The following CIITA variants were observed in gnomAD, a reference collection of about 807,000 sequenced individuals.
The protein encoded by CIITA is MHC class II transactivator.
CIITA carries 72 observed loss-of-function variants against 115.1 expected under a neutral mutation model. The ratio of observed to expected loss-of-function variants is 0.63; its 90% CI spans 0.52 to 0.76. CIITA has a LOEUF of 0.76. Among genes scored for constraint, CIITA ranks in the 30% least tolerant of loss-of-function variants. CIITA has a pLI of 0.00. For synonymous variants in CIITA, 763 were observed against 635.6 expected (o/e 1.20, Z -3.02); for missense variants, 1,617 against 1,463.8 (o/e 1.10, Z -1.71).
At chr16:10,900,325 G>T (rs6498122) in intron 5 of CIITA, among the ~76,000 whole-genome samples, 2 of 152,094 alleles carry the variant, frequency 1.3e-5, no homozygotes, top group African/African-American at 4.8e-5. Flanking sequence ...GGGAGGTCAC[G>T]TTCCATATTA....
rs536336933 is a variant in CIITA, at chr16:10,901,379, G to A, written c.437-135G>A. 9.8e-5 allele frequency: 85 copies of A among 864,778 alleles called. No homozygotes were observed. The highest frequency in any genetic ancestry group is 3.8e-4 in the South Asian group (27 of 70,392). The allele number at this position is 864,778 out of a possible 1,614,324, so 53.6% of individuals were successfully genotyped here. A position where few individuals can be genotyped will look rare whatever the true frequency, so the allele number is the denominator to read the frequency against. ...GGAGCTGGGGTTGGAATGTTAGAGC[G>A]AGGGGAGGAAAATGGACCCCCAAGA... On this transcript the variant is annotated intron_variant, in intron 5 of 19. Transcript: ENST00000324288. This position sits in a 1 kb window ranked among gnomAD's most constrained non-coding sequence, Gnocchi z 6.8.
At chr16:10,922,372 A>C in intron 17 of CIITA, 35 bp from the exon 18 acceptor site, 3 of 1,613,844 alleles carry the variant, frequency 1.9e-6, no homozygotes, top group Non-Finnish European at 2.5e-6. Context: ...GGGGAGTCCC[A>C]AGGGCCAGGC....
At chr16:10,903,666 G>T (rs2038938453) in intron 8 of CIITA, 65 bp from the exon 9 acceptor site, 4 of 1,573,672 alleles carry the variant, frequency 2.5e-6, no homozygotes, top group African/African-American at 1.3e-5. Flanking sequence ...GAGTAGGGGT[G>T]ACCCAAGTGC....
chr16:10,937,561 G>A (rs566985830), downstream of CIITA: 25 of 152,352 alleles, frequency 1.6e-4, no homozygotes, highest in African/African-American at 5.8e-4. The surrounding 1 kb of genome is among the most constrained non-coding windows in gnomAD (Gnocchi z 4.2). Flanking sequence ...GCTGCACCAG[G>A]ACAAGCTGAC....
chr16:10,898,943 A>T lies in CIITA; in HGVS notation c.377A>T (p.Glu126Val). ...KDIFKHIGPD[E>V]VIGESMEMPA... ...AAAGTAGAGCACATAGGACCAGATGAAGTGATCGGTGAGAGTATGGAGATG... is the reference window on the plus strand; with the variant it reads ...AAAGTAGAGCACATAGGACCAGATGTAGTGATCGGTGAGAGTATGGAGATG... The change falls in exon 5 of 20, where the codon GAA becomes GTA. Residue 126 changes from glutamate (E) to valine (V), a missense_variant. Transcript: ENST00000324288. 3 of 1,613,960 alleles carry T rather than the reference A, an allele frequency of 1.9e-6. No homozygotes were observed. Among genetic ancestry groups the T allele is most frequent in the Non-Finnish European group, 2.5e-6 (3 of 1,179,998 alleles).
intron 1 of CIITA, among the ~76,000 whole-genome samples, chr16:10,872,039 C>T (rs2035519964): frequency 6.6e-6 from 1 of 152,172 alleles, no homozygotes; most frequent in African/African-American, 2.4e-5. Flanking sequence ...GCCTGCCCTC[C>T]AACTTTCCTG....
rs144646271 is a variant in CIITA, at chr16:10,907,083, G to A, written c.1591G>A (p.Gly531Ser). The A allele has an allele frequency of 3.9e-4, 630 of 1,607,962 alleles. 1 individual carries two copies. Among genetic ancestry groups the A allele is most frequent in the Non-Finnish European group, 4.9e-4 (582 of 1,179,780 alleles). Residue 531 changes from glycine (G) to serine (S), a missense_variant, in exon 11 of 20, where the codon GGC becomes AGC. Gly to Ser is a moderately conservative substitution (Grantham distance 56). Transcript: ENST00000324288. The surrounding 1 kb of genome is among the most constrained non-coding windows in gnomAD (Gnocchi z 5.0). ...EPCSLRGLLA[G>S]LFQKKLLRGC... The stretch of plus-strand genomic sequence containing the variant: ...CTGCTCCCTCCGGGGGCTGCTGGCC[G>A]GCCTTTTCCAGAAGAAGCTGCTCCG...
intron 11 of CIITA, 74 bp from the exon 12 acceptor site, chr16:10,908,955 C>T (rs774056805): frequency 1.2e-6 from 2 of 1,605,262 alleles, no homozygotes; most frequent in Admixed American, 3.3e-5. Flanking sequence ...GGTAGGAGGA[C>T]CCTTCATGGA....
At chr16:10,870,527 G>A (rs2035411110) in intron 1 of CIITA, among the ~76,000 whole-genome samples, 1 of 152,192 alleles carries the variant, frequency 6.6e-6, no homozygotes, top group African/African-American at 2.4e-5. Context: ...TCAACAGTGG[G>A]TCACAACATC....
At position 10,932,185 on chromosome 16, in the gene CIITA, C is replaced by G. The variant is rs539575156; in HGVS notation, c.*8330C>G. ...ATGTTCTGGGACACAGTTCAATTCT[C>G]ATTTGTCACACACTTTGGCTATTAG... is the stretch of plus-strand genomic sequence containing the variant. On this transcript the variant is annotated 3_prime_UTR_variant, in exon 20 of 20. Transcript: ENST00000324288. The G allele has an allele frequency of 6.6e-6, 1 of 152,360 alleles. No homozygotes were observed. Among genetic ancestry groups the G allele is most frequent in the South Asian group, 2.1e-4 (1 of 4,828 alleles). The allele number at this position is 152,360 out of a possible 1,614,324, so 9.4% of individuals were successfully genotyped here.
chr16:10,874,544 G>T (rs1490130513), upstream of CIITA, among the ~76,000 whole-genome samples: 1 of 152,202 alleles, frequency 6.6e-6, no homozygotes, highest in East Asian at 1.9e-4. Context: ...GTGCCTTCAG[G>T]TGCCAAAGTG....
At chr16:10,909,848 C>T (rs921143105) in intron 12 of CIITA, among the ~76,000 whole-genome samples, 1 of 152,160 alleles carries the variant, frequency 6.6e-6, no homozygotes, top group South Asian at 2.1e-4. Flanking sequence ...GATCCTCCTG[C>T]CTCAGCCTCC....
chr16:10,875,610 A>G (rs897620436), upstream of CIITA, among the ~76,000 whole-genome samples: 1 of 152,098 alleles, frequency 6.6e-6, no homozygotes, highest in African/African-American at 2.4e-5. Flanking sequence ...TTTCCACATA[A>G]CACTTTACTA....
chr16:10,868,014 G>C (rs2035214148), intron 1 of CIITA, among the ~76,000 whole-genome samples: 1 of 152,004 alleles, frequency 6.6e-6, no homozygotes, highest in Non-Finnish European at 1.5e-5. Context: ...CTCCCACCTT[G>C]GCCTCCCAAA....
At chr16:10,900,444 T>C (rs1308182417) in intron 5 of CIITA, among the ~76,000 whole-genome samples, 1 of 152,126 alleles carries the variant, frequency 6.6e-6, no homozygotes. Flanking sequence ...CAAGATTTTA[T>C]TGTGAAAGTT....
intron 1 of CIITA, chr16:10,866,619 C>T (rs938036982): frequency 2.2e-6 from 1 of 447,448 alleles, no homozygotes; most frequent in African/African-American, 2.0e-5. Context: ...AGACTGTAGA[C>T]AGCTCAAGGA....
chr16:10,906,434 G>C, intron 10 of CIITA, 65 bp from the exon 11 acceptor site: 1 of 1,554,046 alleles, frequency 6.4e-7, no homozygotes, highest in Non-Finnish European at 8.8e-7. Flanking sequence ...TGCTGGCCTT[G>C]TGGTGGCTGG....
chr16:10,917,482 T>C (rs922480649), intron 15 of CIITA, among the ~76,000 whole-genome samples: 9 of 19,282 alleles, frequency 4.7e-4, no homozygotes, highest in African/African-American at 1.1e-3. Context: ...TTCAATGGGA[T>C]TTTTTTTTTT....
At chr16:10,867,268 T>C (rs902478454) in intron 1 of CIITA, among the ~76,000 whole-genome samples, 5 of 134,916 alleles carry the variant, frequency 3.7e-5, no homozygotes, top group African/African-American at 1.0e-4. Context: ...AGAAATGGGG[T>C]GCAGAGAAAG....
Sources: allele counts gnomAD v4.1 joint callset (sites outside exome capture counted in the v4.1 genomes callset), GRCh38; gene constraint gnomAD v4.1.1; non-coding constraint Gnocchi (gnomAD v3.1); transcripts MANE v1.5; gene names NCBI Gene and HGNC (gene_info 2026-07-23, HGNC 2026-07-21).